The following TM2D1 variants were observed in gnomAD, a reference collection of about 807,000 sequenced individuals.
The protein encoded by TM2D1 is TM2 domain containing 1.
TM2D1 carries 15 observed loss-of-function variants against 28.4 expected under a neutral mutation model. That is an observed-to-expected ratio of 0.53 (90% confidence interval 0.35 to 0.81). The LOEUF (loss-of-function observed/expected upper bound fraction) is 0.81. Among genes scored for constraint, TM2D1 ranks in the 40% least tolerant of loss-of-function variants. The pLI is 0.01. For synonymous variants in TM2D1, 93 were observed against 96.2 expected (o/e 0.97, Z 0.20); for missense variants, 236 against 254.9 (o/e 0.93, Z 0.50).
At chr1:61,724,801 C>T (rs1479451797) in intron 1 of TM2D1, 156 bp downstream of exon 1, 4 of 843,828 alleles carry the variant, frequency 4.7e-6, no homozygotes, top group Non-Finnish European at 6.8e-6. Context: ...ATCTCCACAA[C>T]TCTGTTCACC....
chr1:61,701,555 TCG>T (rs1491466119), intron 3 of TM2D1, among the ~76,000 whole-genome samples: 3 of 81,946 alleles, frequency 3.7e-5, no homozygotes, highest in Non-Finnish European at 4.5e-5. Flanking sequence ...TAATTCTCTT[TCG>T]TGTGTGTGTG....
intron 2 of TM2D1, among the ~76,000 whole-genome samples, chr1:61,718,654 AAG>A (rs1644539263): frequency 4.6e-5 from 7 of 152,224 alleles, no homozygotes; most frequent in Admixed American, 4.6e-4. Flanking sequence ...ACCAAGGAGA[AAG>A]AGATAGTTAT....
At chr1:61,706,282 C>A (rs556158146) in intron 3 of TM2D1, among the ~76,000 whole-genome samples, 3 of 152,126 alleles carry the variant, frequency 2.0e-5, no homozygotes, top group Non-Finnish European at 4.4e-5. Context: ...CGACTCACTG[C>A]AACCTCTGCC....
At position 61,724,938 on chromosome 1, in the gene TM2D1, T is replaced by C. The variant is rs1387706420; in HGVS notation, c.164+19A>G. 1 of 1,560,104 alleles carries C rather than the reference T, an allele frequency of 6.4e-7. No individual in the cohort carries two copies. Among genetic ancestry groups the C allele is most frequent in the Non-Finnish European group, 8.7e-7 (1 of 1,146,680 alleles). ...ACTCTACCTCGCCTCCATGGGGGGG[T>C]GTTCTCCACAGAGGATATTGTCCCA... On this transcript the variant is annotated intron_variant, in intron 1 of 6. Transcript: ENST00000606498.
chr1:61,716,606 C>A (rs1420554380), intron 2 of TM2D1, among the ~76,000 whole-genome samples: 7 of 146,432 alleles, frequency 4.8e-5, no homozygotes, highest in African/African-American at 7.5e-5. Flanking sequence ...CACACACACA[C>A]AAAAAGAGAG....
At chr1:61,701,153 T>C (rs1644397725) in intron 3 of TM2D1, 128 bp from the exon 4 acceptor site, 1 of 658,636 alleles carries the variant, frequency 1.5e-6, no homozygotes, top group African/African-American at 1.8e-5. Context: ...GCCTCCTGTG[T>C]GTCAGGCACT....
chr1:61,691,932 A>AAAAAATATATAT, intron 5 of TM2D1, among the ~76,000 whole-genome samples: 8 of 76,392 alleles, frequency 1.0e-4, no homozygotes, highest in East Asian at 4.7e-4. Flanking sequence ...AAAAAAAAAA[A>AAAAAATATATAT]ATATATATAT....
intron 2 of TM2D1, among the ~76,000 whole-genome samples, chr1:61,720,535 C>T (rs746293711): frequency 4.6e-5 from 7 of 152,148 alleles, no homozygotes; most frequent in Non-Finnish European, 7.3e-5. Flanking sequence ...AGCCACCTCA[C>T]CCGGGCTGAC....
chr1:61,714,141 C>T lies in TM2D1; in HGVS notation c.239-4704G>A, dbSNP rs569239073. ...CGATCTCCTGACCTCATGATCCACC[C>T]GCCTCGGCCTCCCAAAGTGCTGGGA... On this transcript the variant is annotated intron_variant, in intron 2 of 6. Transcript: ENST00000606498. Among the ~76,000 whole-genome samples the T allele has an allele frequency of 1.6e-4, 23 of 147,536 alleles. No homozygotes were observed. The East Asian group carries it at 3.6e-3, about 23-fold the overall frequency.
chr1:61,692,474 AAGAG>A (rs899918494), intron 5 of TM2D1, among the ~76,000 whole-genome samples: 4 of 150,760 alleles, frequency 2.7e-5, no homozygotes, highest in African/African-American at 9.9e-5. Flanking sequence ...AGGAAGGAAG[AAGAG>A]AGAAAGAAAG....
intron 2 of TM2D1, among the ~76,000 whole-genome samples, chr1:61,711,399 C>G (rs986775669): frequency 6.6e-6 from 1 of 151,622 alleles, no homozygotes; most frequent in African/African-American, 2.4e-5. Context: ...CCTGTAATCC[C>G]AGCACTTTGG....
At chr1:61,724,616 T>C (rs1242017315) in intron 1 of TM2D1, among the ~76,000 whole-genome samples, 1 of 152,158 alleles carries the variant, frequency 6.6e-6, no homozygotes, top group African/African-American at 2.4e-5. Context: ...TAAGAGACTA[T>C]CCATCTTTGT....
rs1389496239 is a variant in TM2D1 at position 61,681,062 on chromosome 1, T to C, written c.*308A>G. Reference sequence around the variant, plus strand: ...CACTAAAAATGTGAATAAGTTATACTTTTATTTTTCAGAAACAAAAATGAC... The same window carrying C: ...CACTAAAAATGTGAATAAGTTATACCTTTATTTTTCAGAAACAAAAATGAC... On this transcript the variant is annotated 3_prime_UTR_variant, in exon 7 of 7. Coordinates refer to ENST00000606498, the MANE Select transcript of TM2D1 (RefSeq NM_032027.3). 1 of 153,834 alleles carries C rather than the reference T, an allele frequency of 6.5e-6. No individual in the cohort carries two copies. Among genetic ancestry groups the C allele is most frequent in the African/African-American group, 2.4e-5 (1 of 41,482 alleles). 9.5% of individuals were successfully genotyped at this position (153,834 alleles called of 1,614,324 possible).
chr1:61,688,829 G>A (rs1371886542), intron 5 of TM2D1, among the ~76,000 whole-genome samples: 4 of 101,976 alleles, frequency 3.9e-5, no homozygotes, highest in African/African-American at 1.1e-4. Flanking sequence ...CAGACCAACT[G>A]AGGTCAGGAG....
At chr1:61,688,897 C>T (rs1305769319) in intron 5 of TM2D1, among the ~76,000 whole-genome samples, 1 of 149,976 alleles carries the variant, frequency 6.7e-6, no homozygotes, top group Admixed American at 6.7e-5. Flanking sequence ...ATTAGCTGGG[C>T]GCGGTGGCAC....
At chr1:61,713,884 C>CTTTTTT (rs372226143) in intron 2 of TM2D1, among the ~76,000 whole-genome samples, 7 of 106,236 alleles carry the variant, frequency 6.6e-5, no homozygotes, top group African/African-American at 1.0e-4. Flanking sequence ...CCAAATATTT[C>CTTTTTT]TTTTTTTTTT....
At chr1:61,710,382 T>C (rs1427280828) in intron 2 of TM2D1, among the ~76,000 whole-genome samples, 2 of 142,388 alleles carry the variant, frequency 1.4e-5, no homozygotes, top group Non-Finnish European at 3.0e-5. Flanking sequence ...GCCAAGATTG[T>C]GCCACTGCCC....
chr1:61,721,184 C>CTACT (rs1644561218), intron 2 of TM2D1, among the ~76,000 whole-genome samples: 2 of 151,754 alleles, frequency 1.3e-5, no homozygotes, highest in African/African-American at 4.8e-5. Context: ...TGAGCTAAGA[C>CTACT]GGTGCCACTG....
At chr1:61,692,633 T>G (rs1644336597) in intron 5 of TM2D1, among the ~76,000 whole-genome samples, 1 of 152,138 alleles carries the variant, frequency 6.6e-6, no homozygotes, top group African/African-American at 2.4e-5. Flanking sequence ...CAGTGACTCA[T>G]GCCTGTAATC....
Sources: gnomAD v4.1 joint callset for allele counts (sites outside exome capture counted in the v4.1 genomes callset) on GRCh38, gnomAD v4.1.1 for gene constraint, MANE v1.5 for transcripts, NCBI Gene and HGNC (gene_info 2026-07-23, HGNC 2026-07-21) for gene names.